The following IPO5 variants were observed in gnomAD, a reference collection of about 807,000 sequenced individuals.
IPO5 encodes importin-5.
IPO5 carries 18 observed loss-of-function variants against 143.3 expected under a neutral mutation model. That is an observed-to-expected ratio of 0.13 (90% CI 0.09 to 0.19). The LOEUF (loss-of-function observed/expected upper bound fraction) is 0.19, where lower values mean the gene tolerates loss of function less well. IPO5 is among the 10% of genes least tolerant of loss of function. IPO5 has a pLI of 1.00. For synonymous variants in IPO5, 477 were observed against 465.7 expected (o/e 1.02, Z -0.31); for missense variants, 1,013 against 1,336.9 (o/e 0.76, Z 3.78).
In IPO5 at chr13:97,993,095, T is replaced by G. The variant is rs1490710950; in HGVS notation, c.793-10T>G. 1.9e-6 allele frequency: 3 copies of G among 1,613,402 alleles called. No individual in the cohort carries two copies. The highest frequency in any genetic ancestry group is 1.7e-6 in the Non-Finnish European group (2 of 1,179,432). On this transcript the variant is annotated splice_polypyrimidine_tract_variant and intron_variant, in intron 10 of 28. Transcript: ENST00000651721. ...ATTATTAAATGTATACAAATATGTCTTCTTTGTAGTTGTGTGGAGACACTA... is the reference window on the plus strand; with the variant it reads ...ATTATTAAATGTATACAAATATGTCGTCTTTGTAGTTGTGTGGAGACACTA...
intron 2 of IPO5, among the ~76,000 whole-genome samples, chr13:97,955,080 G>A (rs1315434107): frequency 6.6e-6 from 1 of 151,946 alleles, no homozygotes; most frequent in Non-Finnish European, 1.5e-5. Flanking sequence ...ATAGAAAAAA[G>A]TAGCCAGTTA....
At chr13:97,997,323 C>T (rs1888379480) in intron 11 of IPO5, among the ~76,000 whole-genome samples, 2 of 152,054 alleles carry the variant, frequency 1.3e-5, no homozygotes, top group African/African-American at 4.8e-5. Flanking sequence ...GAGGGTTTGA[C>T]TTAATGAATG....
At chr13:98,006,085 T>G (rs1443679491) in intron 16 of IPO5, 45 bp from the exon 17 acceptor site, 2 of 1,311,026 alleles carry the variant, frequency 1.5e-6, no homozygotes, top group Non-Finnish European at 2.2e-6. Context: ...TTTAAATACT[T>G]CTTCCAGTTT....
chr13:97,986,100 G>A (rs1887318781), intron 6 of IPO5, among the ~76,000 whole-genome samples: 1 of 151,388 alleles, frequency 6.6e-6, no homozygotes, highest in Non-Finnish European at 1.5e-5. Flanking sequence ...GGGCAACAAA[G>A]CAAGACTATG....
intron 2 of IPO5, among the ~76,000 whole-genome samples, chr13:97,962,274 T>C (rs1342918749): frequency 6.6e-6 from 1 of 152,238 alleles, no homozygotes; most frequent in Non-Finnish European, 1.5e-5. Context: ...GTGATTTTGA[T>C]GTCATAGCTA....
intron 12 of IPO5, 83 bp from the exon 13 acceptor site, chr13:98,000,456 A>G: frequency 1.2e-6 from 1 of 859,692 alleles, no homozygotes; most frequent in African/African-American, 1.7e-5. Context: ...TAATAATAAT[A>G]TGGTTAGAAG....
chr13:97,953,983 C>T (rs542451797), intron 1 of IPO5, 136 bp from the exon 2 acceptor site: 5 of 449,476 alleles, frequency 1.1e-5, no homozygotes, highest in South Asian at 4.8e-5. Context: ...TTGTGCCTTA[C>T]GTGAGCTGGG....
chr13:97,983,820 C>T (rs964462406), intron 5 of IPO5, among the ~76,000 whole-genome samples: 2 of 151,912 alleles, frequency 1.3e-5, no homozygotes, highest in Non-Finnish European at 2.9e-5. Context: ...ACTTCATGTT[C>T]TCTCAACCAC....
chr13:98,000,472 C>T, intron 12 of IPO5, 67 bp from the exon 13 acceptor site: 1 of 975,576 alleles, frequency 1.0e-6, no homozygotes, highest in Non-Finnish European at 1.7e-6. Flanking sequence ...AGAAGTATGT[C>T]TGTAGAGTAT....
At chr13:98,013,986 CTTTAACA>C in intron 21 of IPO5, 49 bp from the exon 22 acceptor site, 1 of 1,522,286 alleles carries the variant, frequency 6.6e-7, no homozygotes, top group Middle Eastern at 1.8e-4. Context: ...GCATTGAACC[CTTTAACA>C]TTTAAGCAAA....
intron 18 of IPO5, 91 bp downstream of exon 18, chr13:98,008,233 T>C: frequency 1.4e-6 from 1 of 730,016 alleles, no homozygotes; most frequent in East Asian, 2.7e-5. Context: ...AGTGATAGGT[T>C]TCTTGACATA....
chr13:97,962,665 A>C (rs1031263886), intron 2 of IPO5, among the ~76,000 whole-genome samples: 9 of 151,988 alleles, frequency 5.9e-5, no homozygotes, highest in Non-Finnish European at 8.8e-5. Context: ...TAAAAATACA[A>C]AAAATTAGCT....
chr13:98,012,796 ATTTGATTT>A (rs1431415882), intron 21 of IPO5, among the ~76,000 whole-genome samples: 1 of 132,150 alleles, frequency 7.6e-6, no homozygotes, highest in African/African-American at 2.8e-5. Flanking sequence ...GCCCAGCTAG[ATTTGATTT>A]TTTTTTTTTT....
chr13:97,977,736 ATT>A (rs1886501016), intron 4 of IPO5, among the ~76,000 whole-genome samples: 1 of 152,170 alleles, frequency 6.6e-6, no homozygotes, highest in Non-Finnish European at 1.5e-5. Context: ...TGAGACCACG[ATT>A]CTTGTGGGAT....
chr13:98,000,782 C>T (rs1367486283), intron 13 of IPO5, 137 bp downstream of exon 13: 2 of 618,440 alleles, frequency 3.2e-6, no homozygotes, highest in Admixed American at 5.6e-5. Context: ...ATTTATTTTA[C>T]CGATAAAATT....
At chr13:97,977,620 T>A (rs2139608520) in intron 4 of IPO5, among the ~76,000 whole-genome samples, 2 of 152,318 alleles carry the variant, frequency 1.3e-5, no homozygotes, top group South Asian at 4.1e-4. Flanking sequence ...CACCTCTTGT[T>A]CCTGGCCTCC....
At chr13:98,015,889 G>C in intron 24 of IPO5, 108 bp downstream of exon 24, 1 of 691,924 alleles carries the variant, frequency 1.4e-6, no homozygotes, top group Non-Finnish European at 2.5e-6. Context: ...GTAATTATCA[G>C]TCTTTAGCAG....
chr13:98,013,208 A>T (rs1048422690), intron 21 of IPO5, among the ~76,000 whole-genome samples: 4 of 152,122 alleles, frequency 2.6e-5, no homozygotes, highest in African/African-American at 4.8e-5. Flanking sequence ...GACATGCGCT[A>T]CCATGCCCAG....
chr13:98,005,053 C>T (rs1193623306), intron 16 of IPO5, among the ~76,000 whole-genome samples: 5 of 152,040 alleles, frequency 3.3e-5, no homozygotes, highest in Non-Finnish European at 5.9e-5. Context: ...GCACCCACCA[C>T]ACCCGGCTAA....
Sources: gnomAD v4.1 joint callset for allele counts (sites outside exome capture counted in the v4.1 genomes callset) on GRCh38, gnomAD v4.1.1 for gene constraint, MANE v1.5 for transcripts, NCBI Gene and HGNC (gene_info 2026-07-23, HGNC 2026-07-21) for gene names.